The following KLKB1 variants were observed in gnomAD, a reference collection of about 807,000 sequenced individuals.
The protein encoded by KLKB1 is kallikrein B1, also known as plasma kallikrein.
In KLKB1, 58 loss-of-function variants were observed where a neutral mutation model predicts 73.6. The ratio of observed to expected loss-of-function variants is 0.79; its 90% CI spans 0.64 to 0.98. The LOEUF (loss-of-function observed/expected upper bound fraction) is 0.98. KLKB1 is among the 50% of genes least tolerant of loss of function. The probability of loss-of-function intolerance (pLI) is 0.00; values close to 1 mark genes in which losing one functional copy is unlikely to be tolerated. For missense variants in KLKB1, 737 were observed against 763.8 expected (o/e 0.96, Z 0.41); for synonymous variants, 280 against 258.1 (o/e 1.08, Z -0.81).
intron 2 of KLKB1, chr4:186,213,136 T>C (rs1736783488): frequency 6.6e-6 from 1 of 152,194 alleles, no homozygotes; most frequent in Non-Finnish European, 1.5e-5. Context: ...AGAATGTCTT[T>C]CAGCTCCAGA....
chr4:186,249,052 A>G (rs1222413716), intron 6 of KLKB1, among the ~76,000 whole-genome samples: 1 of 152,174 alleles, frequency 6.6e-6, no homozygotes, highest in African/African-American at 2.4e-5. Context: ...TGAACTCTTT[A>G]TATACTCTGG....
upstream of KLKB1, among the ~76,000 whole-genome samples, chr4:186,223,644 C>T (rs1486473842): frequency 6.6e-6 from 1 of 152,098 alleles, no homozygotes; most frequent in Non-Finnish European, 1.5e-5. Flanking sequence ...CTGGCTTTTT[C>T]TGAAAGCATA....
At chr4:186,256,721 A>G (rs200564144) in intron 13 of KLKB1, among the ~76,000 whole-genome samples, 2 of 152,188 alleles carry the variant, frequency 1.3e-5, no homozygotes, top group Non-Finnish European at 1.5e-5. Context: ...CAAAGCTCGG[A>G]GGGCTTTTCA....
At chr4:186,223,583 T>C (rs1380025625), upstream of KLKB1, among the ~76,000 whole-genome samples, 1 of 152,134 alleles carries the variant, frequency 6.6e-6, no homozygotes, top group Non-Finnish European at 1.5e-5. Context: ...AGAGATGATT[T>C]AGGGTATCTG....
intron 10 of KLKB1, 78 bp downstream of exon 10, chr4:186,251,939 G>A: frequency 6.2e-7 from 1 of 1,607,072 alleles, no homozygotes; most frequent in Non-Finnish European, 8.5e-7. Context: ...AAGGAATTAT[G>A]TGTCTTGTTC....
chr4:186,257,998 T>A (rs1739106921), intron 14 of KLKB1, 23 bp from the exon 15 acceptor site: 1 of 1,611,284 alleles, frequency 6.2e-7, no homozygotes, highest in South Asian at 1.1e-5. Flanking sequence ...TTTCTACTAT[T>A]TTATTTTTCC....
At chr4:186,214,316 A>G (rs1465972841) in intron 2 of KLKB1, among the ~76,000 whole-genome samples, 1 of 152,210 alleles carries the variant, frequency 6.6e-6, no homozygotes, top group African/African-American at 2.4e-5. Flanking sequence ...CCTACTTGGG[A>G]ACCCAAGAGC....
intron 13 of KLKB1, among the ~76,000 whole-genome samples, chr4:186,256,766 T>C (rs371323834): frequency 2.0e-5 from 3 of 152,290 alleles, no homozygotes; most frequent in Admixed American, 6.5e-5. Context: ...ATTTTGAATA[T>C]ATAAAGCAAA....
At chr4:186,244,058 G>A (rs1227643527) in intron 6 of KLKB1, among the ~76,000 whole-genome samples, 2 of 152,178 alleles carry the variant, frequency 1.3e-5, no homozygotes, top group East Asian at 1.9e-4. Flanking sequence ...TACAGGGCGT[G>A]GTCCTGGCTC....
At chr4:186,256,142 C>T in intron 13 of KLKB1, 55 bp downstream of exon 13, 1 of 1,083,740 alleles carries the variant, frequency 9.2e-7, no homozygotes. Context: ...TGTTGAAATA[C>T]ATGGAGTGGG....
chr4:186,245,848 C>G (rs1427671433), intron 6 of KLKB1, among the ~76,000 whole-genome samples: 3 of 119,756 alleles, frequency 2.5e-5, no homozygotes, highest in African/African-American at 9.1e-5. Flanking sequence ...ATGTCAGGAG[C>G]TGACTGGGTG....
chr4:186,251,695 A>C, intron 9 of KLKB1, 46 bp downstream of exon 9: 1 of 1,606,988 alleles, frequency 6.2e-7, no homozygotes, highest in Non-Finnish European at 8.5e-7. Context: ...TGACCATTTC[A>C]TATTCTCTTT....
rs375887458 is a variant in KLKB1 at position 186,250,231 on chromosome 4, G to T, written c.599-12G>T. 14 of 1,613,550 alleles carry T rather than the reference G, an allele frequency of 8.7e-6. No homozygotes were observed. Among genetic ancestry groups the T allele is most frequent in the Non-Finnish European group, 1.2e-5 (14 of 1,179,512 alleles). On this transcript the variant is annotated splice_polypyrimidine_tract_variant and intron_variant, in intron 6 of 14. Coordinates refer to ENST00000264690, the MANE Select transcript of KLKB1 (RefSeq NM_000892.5). Reference sequence around the variant, plus strand: ...ATTTCCTAAGGAACATCTTCTCTCTGTGAGTTCACAGGTTGCCACATGAAC... The same window carrying T: ...ATTTCCTAAGGAACATCTTCTCTCTTTGAGTTCACAGGTTGCCACATGAAC...
rs567002346 is a variant in KLKB1, at chr4:186,233,747, G to A, written c.222-205G>A. ...TTGATTTCCTGTACTTAAAAAATGT[G>A]AGTGTAAAGAAAACGCAGTGATGGA... On this transcript the variant is annotated intron_variant, in intron 3 of 14. Coordinates refer to ENST00000264690, the MANE Select transcript of KLKB1 (RefSeq NM_000892.5). Among the ~76,000 whole-genome samples the A allele has an allele frequency of 5.9e-5, 9 of 152,312 alleles. No individual in the cohort carries two copies. The East Asian group carries it at 1.2e-3, about 20-fold the overall frequency.
At chr4:186,254,900 C>A in intron 12 of KLKB1, 137 bp downstream of exon 12, 2 of 732,546 alleles carry the variant, frequency 2.7e-6, no homozygotes, top group Admixed American at 2.6e-5. Flanking sequence ...GTGAGGGTTG[C>A]TGGGAAGTGA....
At chr4:186,251,458 A>T (rs775081351) in intron 8 of KLKB1, 29 bp from the exon 9 acceptor site, 1 of 1,608,130 alleles carries the variant, frequency 6.2e-7, no homozygotes, top group Non-Finnish European at 8.5e-7. Context: ...TTCCCATCTG[A>T]TATCTTTTTG....
At chr4:186,254,870 C>A in intron 12 of KLKB1, 107 bp downstream of exon 12, 1 of 993,678 alleles carries the variant, frequency 1.0e-6, no homozygotes, top group Non-Finnish European at 1.5e-6. Flanking sequence ...CGTTTTCTGA[C>A]TGGTGGAGTT....
Position 186,236,993 on chromosome 4 carries a change from C to T in KLKB1, c.488+53C>T, listed in dbSNP as rs1561453439. ...TTGTATTGGTGCCTCCAGGATTTCA[C>T]TGTATTCTTCTTAACCTCTTTTGTT... On this transcript the variant is annotated intron_variant, in intron 5 of 14. Coordinates refer to ENST00000264690, the MANE Select transcript of KLKB1 (RefSeq NM_000892.5). 2.5e-6 allele frequency: 4 copies of T among 1,572,642 alleles called. No homozygotes were observed. The South Asian group carries it at 4.4e-5, about 17-fold the overall frequency.
At chr4:186,245,171 T>C (rs1306294960) in intron 6 of KLKB1, among the ~76,000 whole-genome samples, 1 of 152,112 alleles carries the variant, frequency 6.6e-6, no homozygotes, top group East Asian at 1.9e-4. Context: ...TGGGGAGTTT[T>C]AAGAGGTTTA....
Sources: allele counts gnomAD v4.1 joint callset (sites outside exome capture counted in the v4.1 genomes callset), GRCh38; gene constraint gnomAD v4.1.1; transcripts MANE v1.5; gene names NCBI Gene and HGNC (gene_info 2026-07-23, HGNC 2026-07-21).